Variants in DENND5A observed in about 807,000 individuals in gnomAD.
The protein encoded by DENND5A is DENN domain-containing protein 5A.
In DENND5A, 64 loss-of-function variants were observed where a neutral mutation model predicts 140.3. The observed-to-expected ratio is 0.46, with a 90% CI of 0.37 to 0.56. DENND5A has a LOEUF of 0.56. Ranked by LOEUF, DENND5A falls within the 20% of genes least tolerant of loss-of-function variation. The probability of loss-of-function intolerance (pLI) is 0.00; values close to 1 mark genes in which losing one functional copy is unlikely to be tolerated. For synonymous variants in DENND5A, 605 were observed against 607.7 expected (o/e 1.00, Z 0.07); for missense variants, 1,292 against 1,593.8 (o/e 0.81, Z 3.22).
At chr11:9,157,388 C>G (rs1267670010) in intron 12 of DENND5A, among the ~76,000 whole-genome samples, 1 of 152,148 alleles carries the variant, frequency 6.6e-6, no homozygotes, top group East Asian at 1.9e-4. Flanking sequence ...TATAGGTAAA[C>G]TGCGTATCAC....
chr11:9,236,403 G>A (rs1311194755), intron 1 of DENND5A, among the ~76,000 whole-genome samples: 5 of 148,644 alleles, frequency 3.4e-5, no homozygotes, highest in Admixed American at 6.8e-5. Context: ...ATGGTGACGG[G>A]CACCTGTAAT....
intron 5 of DENND5A, among the ~76,000 whole-genome samples, chr11:9,191,633 C>T (rs1170119126): frequency 6.6e-6 from 1 of 152,194 alleles, no homozygotes; most frequent in Non-Finnish European, 1.5e-5. Flanking sequence ...TAGCCGTATA[C>T]ATGAAGCACA....
At position 9,165,914 on chromosome 11, in the gene DENND5A, C is replaced by T. The variant is rs772162944; in HGVS notation, c.2205G>A (p.Leu735=). Residue 735 remains leucine (L), a synonymous_variant, in exon 11 of 23, where the codon CTG becomes CTA. Coordinates refer to ENST00000328194, the MANE Select transcript of DENND5A (RefSeq NM_015213.4). ...CAATCACTGATGGAGAGAGGTTGGACAGTTTGGGCTGGCGGATAGTGCTGC... is the reference window on the plus strand; with the variant it reads ...CAATCACTGATGGAGAGAGGTTGGATAGTTTGGGCTGGCGGATAGTGCTGC... ...TMGSTIRQPK[L]SNLSPSVIAQ... 1 of 1,614,122 alleles carries T rather than the reference C, an allele frequency of 6.2e-7. No homozygotes were observed. Among genetic ancestry groups the T allele is most frequent in the Non-Finnish European group, 8.5e-7 (1 of 1,179,972 alleles).
intron 12 of DENND5A, among the ~76,000 whole-genome samples, chr11:9,160,109 T>C (rs1318860016): frequency 6.6e-6 from 1 of 152,230 alleles, no homozygotes; most frequent in East Asian, 1.9e-4. Flanking sequence ...AATTTTTCCA[T>C]GATAAAACTT....
intron 12 of DENND5A, among the ~76,000 whole-genome samples, chr11:9,158,354 G>A (rs536167548): frequency 2.6e-5 from 4 of 151,630 alleles, no homozygotes; most frequent in Admixed American, 1.3e-4. Context: ...AGACCAGCCA[G>A]GACAACATAG....
intron 5 of DENND5A, among the ~76,000 whole-genome samples, chr11:9,187,501 A>G (rs1240852621): frequency 6.6e-6 from 1 of 152,176 alleles, no homozygotes; most frequent in Non-Finnish European, 1.5e-5. Context: ...CCCAATGCTC[A>G]ATTCCTAATA....
At chr11:9,243,089 AAAAAAAAAAAAAAAAC>A (rs1430272794) in intron 1 of DENND5A, among the ~76,000 whole-genome samples, 3 of 141,626 alleles carry the variant, frequency 2.1e-5, no homozygotes, top group South Asian at 2.2e-4. Context: ...CTCTGTCTCA[AAAAAAAAAAAAAAAAC>A]AAAAAAAAAA....
intron 11 of DENND5A, among the ~76,000 whole-genome samples, chr11:9,161,529 A>C (rs1288887731): frequency 6.6e-6 from 1 of 152,226 alleles, no homozygotes; most frequent in Non-Finnish European, 1.5e-5. Flanking sequence ...CCTACCAAAC[A>C]AACCTTTGAG....
chr11:9,261,014 A>G (rs996421451), intron 1 of DENND5A, among the ~76,000 whole-genome samples: 1 of 101,210 alleles, frequency 9.9e-6, no homozygotes, highest in Non-Finnish European at 2.0e-5. Context: ...ACACCCAGCT[A>G]ATTTTTTGTA....
intron 1 of DENND5A, among the ~76,000 whole-genome samples, chr11:9,219,870 T>C (rs1337572449): frequency 1.3e-5 from 2 of 152,216 alleles, no homozygotes; most frequent in African/African-American, 4.8e-5. Flanking sequence ...ATTTTTCAGA[T>C]GTTGCAAATC....
Position 9,265,077 on chromosome 11 carries a change from G to T in DENND5A, c.-8C>A. The T allele has an allele frequency of 6.6e-7, 1 of 1,517,250 alleles. No homozygotes were observed. The highest frequency in any genetic ancestry group is 2.7e-5 in the East Asian group (1 of 36,890). 94.0% of individuals were successfully genotyped at this position (1,517,250 alleles called of 1,614,324 possible). ...GCCGCCGCCGCCACTCATGGCGCCGGGGCCGAGACCGGCCGGGCAGTGCGG... is the reference window on the plus strand; with the variant it reads ...GCCGCCGCCGCCACTCATGGCGCCGTGGCCGAGACCGGCCGGGCAGTGCGG... On this transcript the variant is annotated 5_prime_UTR_variant, in exon 1 of 23. Transcript: ENST00000328194. The surrounding 1 kb of genome is among the most constrained non-coding windows in gnomAD (Gnocchi z 4.7).
chr11:9,174,102 CAAAAAAAAAAAAAAAAA>C (rs57703622), intron 8 of DENND5A, among the ~76,000 whole-genome samples: 2 of 42,148 alleles, frequency 4.7e-5, no homozygotes, highest in Admixed American at 4.3e-4. Flanking sequence ...GACTCCGTCT[CAAAAAAAAAAAAAAAAA>C]AAAAAAAAAA....
At chr11:9,262,862 C>G (rs1368092180) in intron 1 of DENND5A, among the ~76,000 whole-genome samples, 1 of 152,250 alleles carries the variant, frequency 6.6e-6, no homozygotes, top group East Asian at 1.9e-4. Flanking sequence ...CTGCCTCAGC[C>G]TCCTGAGTAG....
chr11:9,206,211 T>A (rs982120758), intron 3 of DENND5A, among the ~76,000 whole-genome samples: 5 of 152,202 alleles, frequency 3.3e-5, no homozygotes, highest in Non-Finnish European at 7.4e-5. Flanking sequence ...TTCTTCCACA[T>A]GAGATTTTTA....
Position 9,142,726 on chromosome 11 carries a change from G to A in DENND5A, c.3507C>T (p.Phe1169=), listed in dbSNP as rs1221036190. 1 of 1,613,950 alleles carries A rather than the reference G, an allele frequency of 6.2e-7. No homozygotes were observed. The highest frequency in any genetic ancestry group is 8.5e-7 in the Non-Finnish European group (1 of 1,180,020). The change falls in exon 21 of 23, where the codon TTC becomes TTT. Residue 1169 remains phenylalanine, a synonymous_variant. Coordinates refer to ENST00000328194, the MANE Select transcript of DENND5A (RefSeq NM_015213.4). ...RLFKNVFIWD[F]LEKAQTYYET... is the part of the protein sequence containing the mutation. ...TCATACTCCAGCTCAACTCACCCAG[G>A]AAATCCCAAATGAAGACATTTTTGA...
At chr11:9,169,488 T>TACACACAC (rs1373451205) in intron 10 of DENND5A, among the ~76,000 whole-genome samples, 40 of 106,932 alleles carry the variant, frequency 3.7e-4, no homozygotes, top group African/African-American at 1.5e-3. Flanking sequence ...TTTTCCTATA[T>TACACACAC]ACACACGCAC....
Position 9,142,045 on chromosome 11 carries a change from T to C in DENND5A, c.3575A>G (p.His1192Arg), listed in dbSNP as rs1380498676. The C allele has an allele frequency of 6.2e-7, 1 of 1,606,428 alleles. No individual in the cohort carries two copies. The highest frequency in any genetic ancestry group is 1.3e-5 in the African/African-American group (1 of 74,852). The change falls in exon 22 of 23, where the codon CAT becomes CGT. Residue 1192 changes from histidine (H) to arginine (R), a missense_variant. Around this residue, in one of 4 missense-constraint regions of DENND5A, gnomAD observed 498 missense variants for 689.7 expected, o/e 0.72. Coordinates refer to ENST00000328194, the MANE Select transcript of DENND5A (RefSeq NM_015213.4). ...KNEVVPEENW[H>R]TRARNFCRFV... ...TCGGCAGAAGTTCCGGGCTCTTGTA[T>C]GCCAGTTTTCCTCAGGGACTACTTC...
chr11:9,165,936 C>G lies in DENND5A; in HGVS notation c.2183G>C (p.Ser728Thr). 1 of 1,614,174 alleles carries G rather than the reference C, an allele frequency of 6.2e-7. No homozygotes were observed. The highest frequency in any genetic ancestry group is 8.5e-7 in the Non-Finnish European group (1 of 1,179,998). The part of the protein sequence containing the change: ...KYIQEARTMG[S>T]TIRQPKLSNL... Reference sequence around the variant, plus strand: ...GGACAGTTTGGGCTGGCGGATAGTGCTGCCCATAGTCCTGGCTTCCTGGAT... The same window carrying G: ...GGACAGTTTGGGCTGGCGGATAGTGGTGCCCATAGTCCTGGCTTCCTGGAT... The change falls in exon 11 of 23, where the codon AGC becomes ACC. Residue 728 changes from serine to threonine, a missense_variant. Physicochemically the swap from Ser to Thr is moderately conservative, Grantham distance 58. Around this residue, in one of 4 missense-constraint regions of DENND5A, gnomAD observed 199 missense variants for 189.1 expected, o/e 1.05. Coordinates refer to ENST00000328194, the MANE Select transcript of DENND5A (RefSeq NM_015213.4).
rs759581926 is a variant in DENND5A at position 9,193,687 on chromosome 11, T to TC, written c.950-7dup. ...AGTCATCAGTCTCTGGTAATCTGGG[T>TC]CAACAACAACAAAAAAAGCACACAC... is the stretch of plus-strand genomic sequence containing the variant. On this transcript the variant is annotated splice_polypyrimidine_tract_variant and splice_region_variant and intron_variant, in intron 4 of 22. Coordinates refer to ENST00000328194, the MANE Select transcript of DENND5A (RefSeq NM_015213.4). The TC allele has an allele frequency of 5.1e-5, 81 of 1,595,538 alleles. No individual in the cohort carries two copies. In the South Asian group the frequency reaches 8.8e-4, roughly 17 times the overall value.
Sources: allele counts gnomAD v4.1 joint callset (sites outside exome capture counted in the v4.1 genomes callset), GRCh38; gene constraint gnomAD v4.1.1; regional missense constraint gnomAD v4.1.1; non-coding constraint Gnocchi (gnomAD v3.1); transcripts MANE v1.5; gene names NCBI Gene and HGNC (gene_info 2026-07-23, HGNC 2026-07-21).